The following KLHL4 variants were observed in gnomAD, a reference collection of about 807,000 sequenced individuals.
The protein encoded by KLHL4 is kelch like family member 4.
KLHL4 carries 17 observed loss-of-function variants against 45.8 expected under a neutral mutation model. The ratio of observed to expected loss-of-function variants is 0.37; its 90% CI spans 0.25 to 0.56. The LOEUF (loss-of-function observed/expected upper bound fraction) is 0.56, where lower values mean the gene tolerates loss of function less well. KLHL4 is among the 20% of genes least tolerant of loss of function. The pLI, the probability that KLHL4 is intolerant of heterozygous loss-of-function variation, is 0.79. For synonymous variants in KLHL4, 224 were observed against 189.9 expected (o/e 1.18, Z -1.47); for missense variants, 544 against 544.9 (o/e 1.00, Z 0.02).
chrX:87,540,032 C>A (rs1468003064), intron 1 of KLHL4, among the ~76,000 whole-genome samples: 2 of 111,179 alleles, frequency 1.8e-5, no homozygotes, highest in Admixed American at 1.9e-4. Context: ...GCAGTTGTAG[C>A]ACAATGGTAC....
At chrX:87,568,391 C>CTTTTTTTTTTTTTTTT (rs58586775) in intron 1 of KLHL4, among the ~76,000 whole-genome samples, 3 of 57,504 alleles carry the variant, frequency 5.2e-5, no homozygotes, top group Non-Finnish European at 8.8e-5. Context: ...TTCTTTTTTT[C>CTTTTTTTTTTTTTTTT]TTTTTTTTTT....
chrX:87,522,638 C>T (rs1272010399), intron 1 of KLHL4, among the ~76,000 whole-genome samples: 3 of 112,350 alleles, frequency 2.7e-5, no homozygotes, highest in Admixed American at 9.5e-5. Context: ...GAGAAATGAA[C>T]TACAATTATA....
chrX:87,551,585 A>C (rs987765308), intron 1 of KLHL4, among the ~76,000 whole-genome samples: 3 of 108,519 alleles, frequency 2.8e-5, no homozygotes, highest in African/African-American at 1.0e-4. Flanking sequence ...ATAAATAGAT[A>C]GGTAGATAGA....
At chrX:87,555,210 T>C (rs1287571263) in intron 1 of KLHL4, among the ~76,000 whole-genome samples, 2 of 107,720 alleles carry the variant, frequency 1.9e-5, no homozygotes, top group Non-Finnish European at 3.8e-5. Context: ...CCAGCTTTGG[T>C]ATCAGGATGA....
At chrX:87,569,073 C>T (rs1041929965) in intron 1 of KLHL4, among the ~76,000 whole-genome samples, 4 of 110,924 alleles carry the variant, frequency 3.6e-5, no homozygotes, top group African/African-American at 1.3e-4. Flanking sequence ...AAATCATGTA[C>T]CTGATAGAGG....
intron 1 of KLHL4, among the ~76,000 whole-genome samples, chrX:87,546,275 C>T (rs1464663653): frequency 9.0e-6 from 1 of 111,365 alleles, no homozygotes; most frequent in Non-Finnish European, 1.9e-5. Context: ...CTTTGGGTAG[C>T]CTGACAGCTT....
chrX:87,615,044 C>T (rs1922511703), intron 3 of KLHL4, among the ~76,000 whole-genome samples: 1 of 111,035 alleles, frequency 9.0e-6, no homozygotes, highest in Admixed American at 9.6e-5. Context: ...AGTATTTTGA[C>T]TTTTATTCCA....
At chrX:87,523,808 C>CA (rs752000993) in intron 1 of KLHL4, among the ~76,000 whole-genome samples, 43 of 109,677 alleles carry the variant, frequency 3.9e-4, no homozygotes, top group East Asian at 3.2e-3. Context: ...ACTAAAAATA[C>CA]AAAAATTAGC....
chrX:87,663,467 T>C (rs1436014079), intron 9 of KLHL4, among the ~76,000 whole-genome samples: 1 of 112,569 alleles, frequency 8.9e-6, no homozygotes, highest in Non-Finnish European at 1.9e-5. Context: ...AATCAAGCAG[T>C]ATCCAGATAA....
At chrX:87,524,164 A>T (rs1227724766) in intron 1 of KLHL4, among the ~76,000 whole-genome samples, 1 of 110,385 alleles carries the variant, frequency 9.1e-6, no homozygotes, top group Non-Finnish European at 1.9e-5. Context: ...GAAAGTGTAA[A>T]TTTACACCAT....
At chrX:87,638,344 C>T (rs1242230570) in intron 9 of KLHL4, among the ~76,000 whole-genome samples, 1 of 111,478 alleles carries the variant, frequency 9.0e-6, no homozygotes, top group Non-Finnish European at 1.9e-5. Flanking sequence ...GCTCAAAGAA[C>T]ATCTGGGAAA....
At chrX:87,570,677 A>G (rs1481445831) in intron 1 of KLHL4, among the ~76,000 whole-genome samples, 1 of 110,860 alleles carries the variant, frequency 9.0e-6, no homozygotes, top group East Asian at 2.8e-4. Context: ...GGTTTGTAGA[A>G]GATAGTATTT....
At chrX:87,642,706 A>C (rs1198045921) in intron 9 of KLHL4, among the ~76,000 whole-genome samples, 4 of 112,597 alleles carry the variant, frequency 3.6e-5, no homozygotes, top group South Asian at 3.6e-4. Flanking sequence ...AAAGAAAAAA[A>C]CAATCAAAAA....
chrX:87,637,306 C>A (rs1291724915), intron 9 of KLHL4, among the ~76,000 whole-genome samples: 1 of 111,842 alleles, frequency 8.9e-6, no homozygotes, highest in Non-Finnish European at 1.9e-5. Context: ...CAAGGGATCA[C>A]CCCCATAGGA....
At chrX:87,664,680 G>A in intron 9 of KLHL4, 84 bp from the exon 10 acceptor site, 1 of 591,135 alleles carries the variant, frequency 1.7e-6, no homozygotes, top group South Asian at 3.3e-5. Context: ...GTTTCAGATA[G>A]GTATACATTT....
At chrX:87,607,279 A>G (rs1348315712) in intron 1 of KLHL4, among the ~76,000 whole-genome samples, 1 of 111,079 alleles carries the variant, frequency 9.0e-6, no homozygotes, top group Non-Finnish European at 1.9e-5. Context: ...TCTTGTGGCC[A>G]CACTCCATCA....
intron 1 of KLHL4, among the ~76,000 whole-genome samples, chrX:87,564,231 A>T (rs1932161852): frequency 9.9e-6 from 1 of 100,564 alleles, no homozygotes; most frequent in African/African-American, 3.7e-5. Flanking sequence ...AATAACTGCA[A>T]CAACATTTTA....
intron 1 of KLHL4, among the ~76,000 whole-genome samples, chrX:87,529,840 G>T (rs1931207660): frequency 9.0e-6 from 1 of 111,700 alleles, no homozygotes; most frequent in African/African-American, 3.3e-5. Flanking sequence ...TTTCTTTGAG[G>T]ATGTAATGTC....
intron 9 of KLHL4, among the ~76,000 whole-genome samples, chrX:87,639,852 A>G (rs1239036399): frequency 2.8e-5 from 3 of 108,390 alleles, no homozygotes; most frequent in Non-Finnish European, 5.7e-5. Context: ...GACCAGAACT[A>G]AATGAAATTG....
Sources: allele counts gnomAD v4.1 joint callset (sites outside exome capture counted in the v4.1 genomes callset), GRCh38; gene constraint gnomAD v4.1.1; transcripts MANE v1.5; gene names NCBI Gene and HGNC (gene_info 2026-07-23, HGNC 2026-07-21).